Variants in NPHS1 observed in about 807,000 individuals in gnomAD.
NPHS1 encodes NPHS1 adhesion molecule, nephrin.
Under a neutral mutation model 139.7 loss-of-function variants are expected in NPHS1, and 107 were observed. The ratio of observed to expected loss-of-function variants is 0.77; its 90% confidence interval spans 0.66 to 0.90. The LOEUF (loss-of-function observed/expected upper bound fraction) is 0.90. Ranked by LOEUF, NPHS1 falls within the 40% of genes least tolerant of loss-of-function variation. The pLI, the probability that NPHS1 is intolerant of heterozygous loss-of-function variation, is 0.00. For synonymous variants in NPHS1, 707 were observed against 706.6 expected (o/e 1.00, Z -0.01); for missense variants, 1,580 against 1,654.2 (o/e 0.96, Z 0.78).
chr19:35,831,447 C>A (rs1213813900), intron 25 of NPHS1, 29 bp downstream of exon 25: 1 of 1,613,888 alleles, frequency 6.2e-7, no homozygotes, highest in South Asian at 1.1e-5. Context: ...CCCTCAGAGC[C>A]TTCTTTACAG....
Position 35,831,299 on chromosome 19 carries a change from G to A in NPHS1, c.3384C>T (p.Ser1128=). The A allele has an allele frequency of 6.2e-7, 1 of 1,613,996 alleles. No homozygotes were observed. Among genetic ancestry groups the A allele is most frequent in the South Asian group, 1.1e-5 (1 of 91,074 alleles). Residue 1128 remains serine (S), a synonymous_variant, in exon 26 of 29, where the codon TCC becomes TCT. Coordinates refer to ENST00000378910, the MANE Select transcript of NPHS1 (RefSeq NM_004646.4). The part of the protein sequence containing the change: ...QWTGERDTQS[S]TVSTTEAEPY... ...CACCAGGGCCACCCCCACTTACCGT[G>A]GAGCTCTGAGTGTCCCGCTCTCCTG...
intron 16 of NPHS1, 84 bp from the exon 17 acceptor site, chr19:35,843,677 T>C: frequency 6.4e-7 from 1 of 1,564,188 alleles, no homozygotes; most frequent in Non-Finnish European, 8.8e-7. Flanking sequence ...AGGGATGTCT[T>C]AGGGGTTCCA....
Position 35,852,072 on chromosome 19 carries a change from T to TTTTTTTC in NPHS1, c.-242_-236dup. Reference sequence around the variant, plus strand: ...CTTTCTCTGTCTCTTTAAAAAAACTTTTTTTTCTTTTTTCTTTTTTTTTTC... The same window carrying TTTTTTTC: ...CTTTCTCTGTCTCTTTAAAAAAACTTTTTTTTCTTTTTTCTTTTTTCTTTTTTTTTTC... On this transcript the variant is annotated 5_prime_UTR_variant, in exon 1 of 29. Coordinates refer to ENST00000378910, the MANE Select transcript of NPHS1 (RefSeq NM_004646.4). Among the ~76,000 whole-genome samples, 1 of 151,568 alleles carries TTTTTTTC rather than the reference T, an allele frequency of 6.6e-6. No homozygotes were observed. The highest frequency in any genetic ancestry group is 6.6e-5 in the Admixed American group (1 of 15,254).
intron 19 of NPHS1, 46 bp from the exon 20 acceptor site, chr19:35,841,912 A>G (rs1035086238): frequency 7.7e-6 from 12 of 1,566,652 alleles, no homozygotes; most frequent in Non-Finnish European, 9.5e-6. Flanking sequence ...TCACCCAACC[A>G]CTTATGCTTG....
intron 22 of NPHS1, among the ~76,000 whole-genome samples, chr19:35,836,060 A>C: frequency 6.8e-6 from 1 of 146,482 alleles, no homozygotes. Flanking sequence ...CCCGGGTTCA[A>C]GCAATTCTCC....
rs560401700 is a variant in NPHS1 at position 35,834,795 on chromosome 19, G to T, written c.3166+910C>A. On this transcript the variant is annotated intron_variant, in intron 23 of 28. Transcript: ENST00000378910. Reference sequence around the variant, plus strand: ...AGTCCCAGCTACTCGGGAGGCTGAGGCAGGAGAGGAAGCCGGGAGGTGGAG... The same window carrying T: ...AGTCCCAGCTACTCGGGAGGCTGAGTCAGGAGAGGAAGCCGGGAGGTGGAG... 4.6e-5 allele frequency among the ~76,000 whole-genome samples: 7 copies of T among 152,040 alleles called. No individual in the cohort carries two copies. The East Asian group carries it at 1.4e-3, about 29-fold the overall frequency.
In NPHS1 at chr19:35,846,169, C is replaced by A. The variant is rs2146824358; in HGVS notation, c.1466G>T (p.Arg489Leu). The change falls in exon 12 of 29, where the codon CGG (arginine) becomes CTG (leucine). Residue 489 changes from arginine (R) to leucine (L), a missense_variant. By Grantham distance (102) the Arg-to-Leu change is moderately radical. Transcript: ENST00000378910. ...YKDSRTVTES[R>L]LPQESRRVHL... ...CACGCGCCGCGACTCCTGCGGCAGC[C>A]GCGACTCGGTCACGGTGCGCGAGTC... The A allele has an allele frequency of 6.3e-7, 1 of 1,595,510 alleles. No homozygotes were observed. The highest frequency in any genetic ancestry group is 8.5e-7 in the Non-Finnish European group (1 of 1,172,880).
At chr19:35,834,800 A>C (rs1972932744) in intron 23 of NPHS1, among the ~76,000 whole-genome samples, 1 of 151,890 alleles carries the variant, frequency 6.6e-6, no homozygotes, top group Admixed American at 6.6e-5. Flanking sequence ...CTGAGGCAGG[A>C]GAGGAAGCCG....
At chr19:35,844,813 A>C (rs1049222334) in intron 14 of NPHS1, among the ~76,000 whole-genome samples, 3 of 152,082 alleles carry the variant, frequency 2.0e-5, no homozygotes, top group African/African-American at 2.4e-5. Context: ...GGGGTTAATG[A>C]TAGAGTGATA....
chr19:35,844,704 GT>G (rs1973110937), intron 14 of NPHS1, among the ~76,000 whole-genome samples: 1 of 152,146 alleles, frequency 6.6e-6, no homozygotes, highest in Non-Finnish European at 1.5e-5. Context: ...CATGAGGGGG[GT>G]TAGGAGAGAG....
chr19:35,846,974 G>A (rs1282248620), intron 11 of NPHS1, among the ~76,000 whole-genome samples: 1 of 152,070 alleles, frequency 6.6e-6, no homozygotes, highest in Non-Finnish European at 1.5e-5. Context: ...CAAATCCCAA[G>A]AGTTCAGTTT....
intron 11 of NPHS1, chr19:35,847,832 C>T (rs1158227239): frequency 1.9e-6 from 1 of 530,364 alleles, no homozygotes; most frequent in African/African-American, 1.9e-5. Flanking sequence ...TCCTAAAATT[C>T]TCACTGTTTC....
At chr19:35,835,385 C>T (rs1386424370) in intron 23 of NPHS1, among the ~76,000 whole-genome samples, 1 of 144,340 alleles carries the variant, frequency 6.9e-6, no homozygotes, top group African/African-American at 2.5e-5. Context: ...CTGCATCCTC[C>T]AACTCCTGGG....
rs199932050 is a variant in NPHS1, at chr19:35,851,598, C to T, written c.133G>A (p.Glu45Lys). ...CAACGCAGCTCCACTGAGGCCCCCT[C>T]CACCACCGTCAGGTTTTCAGGCAGG... is the stretch of plus-strand genomic sequence containing the variant. ...WALPENLTVV[E>K]GASVELRCGV... The change falls in exon 2 of 29, where the codon GAG becomes AAG. Residue 45 changes from glutamate (E) to lysine (K), a missense_variant. Glu to Lys is a moderately conservative substitution (Grantham distance 56). Transcript: ENST00000378910. The T allele has an allele frequency of 1.2e-5, 20 of 1,613,910 alleles. No homozygotes were observed. The African/African-American group carries it at 2.5e-4, about 20-fold the overall frequency.
At chr19:35,849,438 A>T in intron 6 of NPHS1, 75 bp from the exon 7 acceptor site, 1 of 1,597,122 alleles carries the variant, frequency 6.3e-7, no homozygotes, top group Non-Finnish European at 8.5e-7. Context: ...CTGCCTTTGA[A>T]CCCCCATGTT....
Position 35,851,591 on chromosome 19 carries a change from GCC to G in NPHS1, c.138_139del (p.Ala47LeufsTer44). 1 of 1,613,968 alleles carries G rather than the reference GCC, an allele frequency of 6.2e-7. No homozygotes were observed. Among genetic ancestry groups the G allele is most frequent in the Non-Finnish European group, 8.5e-7 (1 of 1,179,994 alleles). On this transcript the variant is annotated frameshift_variant, in exon 2 of 29. Coordinates refer to ENST00000378910, the MANE Select transcript of NPHS1 (RefSeq NM_004646.4). LOFTEE classifies it high-confidence loss of function. ...GACCCCACAACGCAGCTCCACTGAG[GCC>G]CCCTCCACCACCGTCAGGTTTTCAG...
In NPHS1 at chr19:35,831,096, G is replaced by A. The variant is rs1324557507; in HGVS notation, c.3438C>T (p.Ser1146=). The A allele has an allele frequency of 2.5e-6, 4 of 1,614,118 alleles. No homozygotes were observed. The highest frequency in any genetic ancestry group is 2.7e-5 in the African/African-American group (2 of 75,050). Reference sequence around the variant, plus strand: ...CCTCCTGCGTCGGGGGCAGCTGGGGGCTGAAGTCCCTCAGGGAGCGGTAAT... The same window carrying A: ...CCTCCTGCGTCGGGGGCAGCTGGGGACTGAAGTCCCTCAGGGAGCGGTAAT... The part of the protein sequence containing the change: ...EPYYRSLRDF[S]PQLPPTQEEV... The change falls in exon 27 of 29, where the codon AGC becomes AGT. Residue 1146 remains serine (S), a synonymous_variant. Transcript: ENST00000378910.
In NPHS1 at chr19:35,831,897, G is replaced by A. The variant is rs1329770794; in HGVS notation, c.3167-135C>T. On this transcript the variant is annotated intron_variant, in intron 23 of 28. Coordinates refer to ENST00000378910, the MANE Select transcript of NPHS1 (RefSeq NM_004646.4). ...GAAACAGATGGGCAGAGGTCTCTGT[G>A]CCCACCCTTTCTGCCCACCCAAGGG... 4.3e-6 allele frequency: 4 copies of A among 927,120 alleles called. No homozygotes were observed. The East Asian group carries it at 1.1e-4, about 25-fold the overall frequency. The allele number at this position is 927,120 out of a possible 1,614,324, so 57.4% of individuals were successfully genotyped here.
intron 6 of NPHS1, 88 bp from the exon 7 acceptor site, chr19:35,849,451 T>C: frequency 6.3e-7 from 1 of 1,598,254 alleles, no homozygotes; most frequent in South Asian, 1.1e-5. Flanking sequence ...CCCATGTTTC[T>C]CTGAGTGCCT....
Sources: gnomAD v4.1 joint callset for allele counts (sites outside exome capture counted in the v4.1 genomes callset) on GRCh38, gnomAD v4.1.1 for gene constraint, MANE v1.5 for transcripts, NCBI Gene and HGNC (gene_info 2026-07-23, HGNC 2026-07-21) for gene names.